TYMP: variants seen among roughly 807,000 people sequenced by gnomAD.
The protein encoded by TYMP is gliostatin.
In TYMP, 46 loss-of-function variants were observed where a neutral mutation model predicts 42.3. That is an observed-to-expected ratio of 1.09 (90% CI 0.86 to 1.39). TYMP has a LOEUF of 1.39. Among genes scored for constraint, TYMP ranks in the 40% most tolerant of loss-of-function variants. The probability of loss-of-function intolerance (pLI) is 0.00; values close to 1 mark genes in which losing one functional copy is unlikely to be tolerated. For synonymous variants in TYMP, 363 were observed against 308.0 expected (o/e 1.18, Z -1.87); for missense variants, 837 against 677.6 (o/e 1.24, Z -2.61).
At chr22:50,526,188 C>G (rs2069362737) in intron 8 of TYMP, 47 bp from the exon 9 acceptor site, 1 of 1,474,924 alleles carries the variant, frequency 6.8e-7, no homozygotes, top group Non-Finnish European at 9.0e-7. Context: ...AGGGGCGGGG[C>G]CTCGGGAAGG....
At position 50,526,715 on chromosome 22, in the gene TYMP, C is replaced by A; in HGVS notation, c.789G>T (p.Gly263=). The A allele has an allele frequency of 6.5e-7, 1 of 1,538,650 alleles. No homozygotes were observed. Among genetic ancestry groups the A allele is most frequent in the South Asian group, 1.2e-5 (1 of 84,050 alleles). The change falls in exon 7 of 10, where the codon GGG becomes GGT. Residue 263 remains glycine, a synonymous_variant. Coordinates refer to ENST00000252029, the MANE Select transcript of TYMP (RefSeq NM_001953.5). ...KTLVGVGASL[G]LRVAAALTAM... ...CGGTCAGCGCTGCCGCGACCCGAAG[C>A]CCTAGGCTGGCTCCCACGCCAACCT...
intron 4 of TYMP, 154 bp downstream of exon 4, chr22:50,528,358 A>G (rs1241105590): frequency 1.2e-5 from 9 of 731,902 alleles, no homozygotes; most frequent in South Asian, 1.2e-4. Context: ...TCAAAGTTCC[A>G]CTGATGATTT....
In TYMP at chr22:50,529,620, C is replaced by T. The variant is rs756488096; in HGVS notation, c.90G>A (p.Ser30=). The T allele has an allele frequency of 5.0e-6, 8 of 1,612,794 alleles. No homozygotes were observed. Among genetic ancestry groups the T allele is most frequent in the Non-Finnish European group, 3.4e-6 (4 of 1,179,828 alleles). The part of the protein sequence containing the change: ...GEGSQGLPDP[S]PEPKQLPELI... The stretch of plus-strand genomic sequence containing the variant: ...GCTCCGGGAGCTGCTTGGGCTCTGG[C>T]GAAGGGTCGGGAAGTCCCTGGCTCC... The change falls in exon 2 of 10, where the codon TCG becomes TCA. Residue 30 remains serine, a synonymous_variant. Transcript: ENST00000252029.
At chr22:50,527,929 C>T (rs2069455993) in intron 4 of TYMP, 3 of 598,104 alleles carry the variant, frequency 5.0e-6, no homozygotes, top group Non-Finnish European at 8.8e-6. Flanking sequence ...TGCGCACCAC[C>T]ACACGCGGCT....
rs571316178 is a variant in TYMP at position 50,529,713 on chromosome 22, T to C, written c.-4A>G. ...CCGGGGTCATCAAGGCTGCCATCGCTCCGGGCCTGCGGGGATGCCTGACAC... is the reference window on the plus strand; with the variant it reads ...CCGGGGTCATCAAGGCTGCCATCGCCCCGGGCCTGCGGGGATGCCTGACAC... On this transcript the variant is annotated 5_prime_UTR_variant, in exon 2 of 10. Coordinates refer to ENST00000252029, the MANE Select transcript of TYMP (RefSeq NM_001953.5). The C allele has an allele frequency of 1.8e-5, 29 of 1,607,978 alleles. No homozygotes were observed. In the African/African-American group the frequency reaches 3.7e-4, roughly 21 times the overall value.
chr22:50,526,036 T>C lies in TYMP; in HGVS notation c.1265A>G (p.Glu422Gly). The C allele has an allele frequency of 6.8e-7, 1 of 1,478,300 alleles. No individual in the cohort carries two copies. The highest frequency in any genetic ancestry group is 8.9e-7 in the Non-Finnish European group (1 of 1,121,990). The allele number at this position is 1,478,300 out of a possible 1,614,324, so 91.6% of individuals were successfully genotyped here. A position where few individuals can be genotyped will look rare whatever the true frequency, so the allele number is the denominator to read the frequency against. ...GEPLRLGVGA[E>G]LLVDVGQRLR... ...CCTCTGACCCACGTCGACCAGCAGC[T>C]CTGCGCCCACCCCCAGGCGGAGCGG... The change falls in exon 9 of 10, where the codon GAG (glutamate) becomes GGG (glycine). Residue 422 changes from glutamate to glycine, a missense_variant. By Grantham distance (98) the Glu-to-Gly change is moderately conservative. Coordinates refer to ENST00000252029, the MANE Select transcript of TYMP (RefSeq NM_001953.5).
chr22:50,528,418 G>T, intron 4 of TYMP, 94 bp downstream of exon 4: 1 of 1,096,498 alleles, frequency 9.1e-7, no homozygotes, highest in Non-Finnish European at 1.4e-6. Context: ...GTTCTCATTA[G>T]TGACCCTAAT....
Position 50,528,616 on chromosome 22 carries a change from G to C in TYMP, c.418-6C>G. 2 of 1,609,638 alleles carry C rather than the reference G, an allele frequency of 1.2e-6. No homozygotes were observed. The highest frequency in any genetic ancestry group is 1.7e-6 in the Non-Finnish European group (2 of 1,176,646). On this transcript the variant is annotated splice_region_variant and splice_polypyrimidine_tract_variant and intron_variant, in intron 3 of 9. Coordinates refer to ENST00000252029, the MANE Select transcript of TYMP (RefSeq NM_001953.5). ...CGTCCGCTGATCATTGGCACCTGGT[G>C]GTCAGGGATGCTGAGTACCCTGCAC...
intron 3 of TYMP, 44 bp from the exon 4 acceptor site, chr22:50,528,654 C>A: frequency 6.8e-7 from 1 of 1,466,586 alleles, no homozygotes; most frequent in South Asian, 1.2e-5. Flanking sequence ...TACCCCTCCC[C>A]CACCTCTGTG....
At chr22:50,529,011 G>T in intron 3 of TYMP, 125 bp downstream of exon 3, 1 of 1,009,268 alleles carries the variant, frequency 9.9e-7, no homozygotes. Context: ...GGAGCAGGGT[G>T]GGGAGAAGCC....
rs143789597 is a variant in TYMP, at chr22:50,529,311, C to T, written c.242G>A (p.Arg81Gln). 2,728 of 1,613,376 alleles carry T rather than the reference C, an allele frequency of 1.7e-3. 3 individuals carry two copies. The highest frequency in any genetic ancestry group is 2.0e-3 in the Non-Finnish European group (2,330 of 1,179,996). ...CGAGGTCTCCTCCAGATCCATGCCC[C>T]GAAGTCGGATGGCCATCAGCATGGC... ...IGAMLMAIRL[R>Q]GMDLEETSVL... The change falls in exon 3 of 10, where the codon CGG (arginine) becomes CAG (glutamine). Residue 81 changes from arginine (R) to glutamine (Q), a missense_variant. By Grantham distance (43) the Arg-to-Gln change is conservative. Coordinates refer to ENST00000252029, the MANE Select transcript of TYMP (RefSeq NM_001953.5).
chr22:50,527,980 A>G lies in TYMP; in HGVS notation c.517-263T>C, dbSNP rs990927014. 6.2e-5 allele frequency: 30 copies of G among 481,476 alleles called. 1 individual carries two copies. The highest frequency in any genetic ancestry group is 5.7e-4 in the African/African-American group (28 of 48,888). 29.8% of individuals were successfully genotyped at this position (481,476 alleles called of 1,614,324 possible). The stretch of plus-strand genomic sequence containing the variant: ...TTTTTTGTAGAGATCAAGTTTCACT[A>G]TATTACCCAGGCTGATCTCCAACTG... On this transcript the variant is annotated intron_variant, in intron 4 of 9. Transcript: ENST00000252029.
intron 4 of TYMP, chr22:50,528,180 T>C (rs1236808745): frequency 9.7e-6 from 4 of 411,996 alleles, no homozygotes; most frequent in South Asian, 2.1e-5. Context: ...CGCAGCGAAC[T>C]ATTTTGTAGA....
intron 8 of TYMP, 21 bp downstream of exon 8, chr22:50,526,225 G>C (rs756011288): frequency 1.1e-5 from 16 of 1,517,990 alleles, no homozygotes; most frequent in South Asian, 1.2e-5. Context: ...GCGGAAGGAC[G>C]GGGACTCCCC....
In TYMP at chr22:50,528,626, G is replaced by T. The variant is rs2069479984; in HGVS notation, c.418-16C>A. ...TCATTGGCACCTGGTGGTCAGGGATGCTGAGTACCCTGCACAGTACCCCTC... is the reference window on the plus strand; with the variant it reads ...TCATTGGCACCTGGTGGTCAGGGATTCTGAGTACCCTGCACAGTACCCCTC... On this transcript the variant is annotated splice_polypyrimidine_tract_variant and intron_variant, in intron 3 of 9. Transcript: ENST00000252029. The T allele has an allele frequency of 6.3e-7, 1 of 1,594,644 alleles. No homozygotes were observed. Among genetic ancestry groups the T allele is most frequent in the Non-Finnish European group, 8.6e-7 (1 of 1,163,410 alleles).
In TYMP at chr22:50,526,137, G is replaced by A. The variant is rs1285768890; in HGVS notation, c.1164C>T (p.Thr388=). 2 of 1,484,418 alleles carry A rather than the reference G, an allele frequency of 1.3e-6. No homozygotes were observed. Among genetic ancestry groups the A allele is most frequent in the East Asian group, 2.8e-5 (1 of 35,750 alleles). The allele number at this position is 1,484,418 out of a possible 1,614,324, so 92.0% of individuals were successfully genotyped here. ...QEELLAPADG[T]VELVRALPLA... The stretch of plus-strand genomic sequence containing the variant: ...GCGGCAGCGCCCGGACCAGCTCCAC[G>A]GTGCCTGCGGGGAGAGGGGCTGAGA... Residue 388 remains threonine, a synonymous_variant, in exon 9 of 10, where the codon ACC becomes ACT. Coordinates refer to ENST00000252029, the MANE Select transcript of TYMP (RefSeq NM_001953.5).
Position 50,526,145 on chromosome 22 carries a change from C to A in TYMP, c.1160-4G>T. The A allele has an allele frequency of 6.7e-7, 1 of 1,482,320 alleles. No homozygotes were observed. The highest frequency in any genetic ancestry group is 8.9e-7 in the Non-Finnish European group (1 of 1,123,028). The allele number at this position is 1,482,320 out of a possible 1,614,324, so 91.8% of individuals were successfully genotyped here. ...GCCCGGACCAGCTCCACGGTGCCTG[C>A]GGGGAGAGGGGCTGAGAGGCGCGGG... is the stretch of plus-strand genomic sequence containing the variant. On this transcript the variant is annotated splice_region_variant and splice_polypyrimidine_tract_variant and intron_variant, in intron 8 of 9. Transcript: ENST00000252029.
chr22:50,526,253 G>T lies in TYMP; in HGVS notation c.1152C>A (p.Pro384=). 2 of 1,535,846 alleles carry T rather than the reference G, an allele frequency of 1.3e-6. No homozygotes were observed. The highest frequency in any genetic ancestry group is 2.5e-5 in the East Asian group (1 of 39,356). ...RAREQEELLA[P]ADGTVELVRA... ...GACTCCCCCGACGCTCACCATCTGC[G>T]GGCGCCAGCAGCTCCTCCTGCTCCC... The change falls in exon 8 of 10, where the codon CCC becomes CCA. Residue 384 remains proline, a synonymous_variant. Coordinates refer to ENST00000252029, the MANE Select transcript of TYMP (RefSeq NM_001953.5).
rs763909665 is a variant in TYMP, at chr22:50,527,523, C to T, written c.646+65G>A. The T allele has an allele frequency of 2.5e-6, 4 of 1,612,994 alleles. No individual in the cohort carries two copies. The African/African-American group carries it at 4.0e-5, about 16-fold the overall frequency. On this transcript the variant is annotated intron_variant, in intron 5 of 9. Coordinates refer to ENST00000252029, the MANE Select transcript of TYMP (RefSeq NM_001953.5). Reference sequence around the variant, plus strand: ...GACGGGTAACTCCTAACGAGAGGCCCTTGACTTGAGTTTGGAGGTCAGGAG... The same window carrying T: ...GACGGGTAACTCCTAACGAGAGGCCTTTGACTTGAGTTTGGAGGTCAGGAG...
Sources: gnomAD v4.1 joint callset for allele counts on GRCh38, gnomAD v4.1.1 for gene constraint, MANE v1.5 for transcripts, NCBI Gene and HGNC (gene_info 2026-07-23, HGNC 2026-07-21) for gene names.